LRRC4C: variants seen among roughly 807,000 people sequenced by gnomAD.
LRRC4C encodes the protein leucine-rich repeat-containing protein 4C.
Under a neutral mutation model 33.6 loss-of-function variants are expected in LRRC4C, and 5 were observed. The observed-to-expected ratio is 0.15, with a 90% CI of 0.08 to 0.31. The LOEUF (loss-of-function observed/expected upper bound fraction) is 0.31. Ranked by LOEUF, LRRC4C falls within the 10% of genes least tolerant of loss-of-function variation. LRRC4C has a pLI of 1.00. For synonymous variants in LRRC4C, 329 were observed against 302.0 expected (o/e 1.09, Z -0.93); for missense variants, 560 against 796.7 (o/e 0.70, Z 3.58).
intron 2 of LRRC4C, among the ~76,000 whole-genome samples, chr11:40,908,200 T>C (rs1364814587): frequency 6.6e-6 from 1 of 152,074 alleles, no homozygotes; most frequent in South Asian, 2.1e-4. Context: ...ACATAAATTG[T>C]GAAGAAGCCA....
At position 41,316,280 on chromosome 11, in the gene LRRC4C, C is replaced by CA. The variant is rs796848005; in HGVS notation, c.-496+143150dup. ...TGGATGGCAAAAAAAAAAAAAAAAA[C>CA]AAAAAAAAACAAACATGAGCAGAAA... On this transcript the variant is annotated intron_variant, in intron 1 of 6. Transcript: ENST00000528697. Among the ~76,000 whole-genome samples, 605 of 90,678 alleles carry CA rather than the reference C, an allele frequency of 6.7e-3. 7 individuals carry two copies. The highest frequency in any genetic ancestry group is 0.021 in the African/African-American group (550 of 26,176). 59.5% of individuals were successfully genotyped at this position (90,678 alleles called of 152,430 possible). A position where few individuals can be genotyped will look rare whatever the true frequency, so the allele number is the denominator to read the frequency against.
intron 2 of LRRC4C, among the ~76,000 whole-genome samples, chr11:40,767,208 A>T (rs1433784590): frequency 1.3e-5 from 2 of 152,158 alleles, no homozygotes; most frequent in African/African-American, 4.8e-5. Flanking sequence ...TTCAAGATTA[A>T]AAACTATAAA....
chr11:41,198,132 C>T (rs1946258594), intron 1 of LRRC4C, among the ~76,000 whole-genome samples: 1 of 151,714 alleles, frequency 6.6e-6, no homozygotes, highest in South Asian at 2.1e-4. Flanking sequence ...AAATAAAGAA[C>T]AAACAATTTT....
intron 5 of LRRC4C, among the ~76,000 whole-genome samples, chr11:40,215,959 T>A (rs1447714191): frequency 1.3e-5 from 2 of 152,072 alleles, no homozygotes; most frequent in African/African-American, 2.4e-5. Context: ...AGGGAAAAGA[T>A]CTGTGAGCTG....
At chr11:40,775,650 G>A (rs1347237214) in intron 2 of LRRC4C, among the ~76,000 whole-genome samples, 1 of 152,134 alleles carries the variant, frequency 6.6e-6, no homozygotes, top group Non-Finnish European at 1.5e-5. Flanking sequence ...TACTGAAGTT[G>A]TTTTTCAGGT....
At position 40,556,364 on chromosome 11, in the gene LRRC4C, G is replaced by A. The variant is rs536039072; in HGVS notation, c.-270+91778C>T. Among the ~76,000 whole-genome samples, 12 of 152,262 alleles carry A rather than the reference G, an allele frequency of 7.9e-5. No individual in the cohort carries two copies. The South Asian group carries it at 2.5e-3, about 32-fold the overall frequency. On this transcript the variant is annotated intron_variant, in intron 3 of 6. Coordinates refer to ENST00000528697, the MANE Select transcript of LRRC4C (RefSeq NM_001258419.2). ...AAGCCAGAGATATTTCAATCAGCAA[G>A]GCTGAAAAACTAGAGACAGAATGTA...
intron 3 of LRRC4C, among the ~76,000 whole-genome samples, chr11:40,479,660 C>T (rs1362080238): frequency 1.3e-5 from 2 of 152,098 alleles, no homozygotes; most frequent in African/African-American, 4.8e-5. Context: ...CAGACTGTCA[C>T]TCATGAATCT....
intron 3 of LRRC4C, among the ~76,000 whole-genome samples, chr11:40,335,316 A>C (rs770550705): frequency 1.3e-5 from 2 of 152,206 alleles, no homozygotes; most frequent in Admixed American, 1.3e-4. Context: ...ATATTTCTGA[A>C]TTAGAATTTA....
intron 1 of LRRC4C, among the ~76,000 whole-genome samples, chr11:41,157,834 G>A (rs1482510861): frequency 6.6e-6 from 1 of 152,068 alleles, no homozygotes; most frequent in East Asian, 1.9e-4. Flanking sequence ...GGCATACGAT[G>A]CAAAATAACC....
intron 1 of LRRC4C, among the ~76,000 whole-genome samples, chr11:40,950,593 TATG>T (rs1483400387): frequency 2.6e-5 from 4 of 152,098 alleles, no homozygotes; most frequent in Middle Eastern, 3.2e-3. Flanking sequence ...CATGGAAACT[TATG>T]ATAACAAATA....
intron 5 of LRRC4C, among the ~76,000 whole-genome samples, chr11:40,184,331 A>G (rs1861241008): frequency 6.6e-6 from 1 of 152,228 alleles, no homozygotes; most frequent in Admixed American, 6.5e-5. Context: ...GAGATTTCAA[A>G]TAAGTCTCCT....
intron 3 of LRRC4C, among the ~76,000 whole-genome samples, chr11:40,439,662 C>T (rs948571805): frequency 2.0e-5 from 3 of 151,986 alleles, no homozygotes; most frequent in Admixed American, 6.6e-5. Flanking sequence ...CCACCTTGGC[C>T]AGGCTGGTCT....
chr11:40,158,111 C>T (rs1187699296), intron 5 of LRRC4C, among the ~76,000 whole-genome samples: 1 of 152,118 alleles, frequency 6.6e-6, no homozygotes, highest in East Asian at 1.9e-4. Flanking sequence ...ACAGTATTTG[C>T]AGTGACCTGG....
chr11:40,662,899 A>G (rs919132705), intron 2 of LRRC4C, among the ~76,000 whole-genome samples: 2 of 152,232 alleles, frequency 1.3e-5, no homozygotes, highest in African/African-American at 4.8e-5. Context: ...TATGCACTCT[A>G]TAAATATTGG....
intron 3 of LRRC4C, among the ~76,000 whole-genome samples, chr11:40,625,546 C>A (rs1317564279): frequency 6.6e-6 from 1 of 152,042 alleles, no homozygotes; most frequent in African/African-American, 2.4e-5. Flanking sequence ...CCAAAGGGTC[C>A]CTCCTAGGAC....
At chr11:40,516,801 C>A (rs1955577665) in intron 3 of LRRC4C, among the ~76,000 whole-genome samples, 1 of 151,942 alleles carries the variant, frequency 6.6e-6, no homozygotes, top group Non-Finnish European at 1.5e-5. Context: ...GGCATAGGAC[C>A]CTTTAGCCAC....
chr11:40,486,641 C>T (rs1953877530), intron 3 of LRRC4C, among the ~76,000 whole-genome samples: 1 of 151,752 alleles, frequency 6.6e-6, no homozygotes, highest in South Asian at 2.1e-4. Context: ...ATATAGAAGA[C>T]ACCTGCTGAA....
intron 2 of LRRC4C, among the ~76,000 whole-genome samples, chr11:40,910,617 C>A (rs186836282): frequency 6.6e-6 from 1 of 152,170 alleles, no homozygotes; most frequent in African/African-American, 2.4e-5. Flanking sequence ...CAGCTCCCAG[C>A]GTGAGCAACA....
intron 2 of LRRC4C, among the ~76,000 whole-genome samples, chr11:40,814,154 C>A (rs1218758158): frequency 6.6e-6 from 1 of 152,208 alleles, no homozygotes; most frequent in Non-Finnish European, 1.5e-5. Context: ...ATCAGAGGTT[C>A]TCTATGAGGG....
Sources: gnomAD v4.1 joint callset for allele counts (sites outside exome capture counted in the v4.1 genomes callset) on GRCh38, gnomAD v4.1.1 for gene constraint, MANE v1.5 for transcripts, NCBI Gene and HGNC (gene_info 2026-07-23, HGNC 2026-07-21) for gene names.